HACD1: variants seen among roughly 807,000 people sequenced by gnomAD.
HACD1 encodes very-long-chain (3R)-3-hydroxyacyl-CoA dehydratase 1.
A neutral mutation model predicts 32.0 loss-of-function variants in HACD1; 41 were observed. The ratio of observed to expected loss-of-function variants is 1.28; its 90% confidence interval spans 1.00 to 1.66. The LOEUF is 1.66. Among genes scored for constraint, HACD1 ranks in the 40% most tolerant of loss-of-function variants. The pLI, the probability that HACD1 is intolerant of heterozygous loss-of-function variation, is 0.00. For missense variants in HACD1, 396 were observed against 380.1 expected (o/e 1.04, Z -0.35); for synonymous variants, 142 against 139.0 (o/e 1.02, Z -0.15).
chr10:17,612,066 G>A (rs1490028771), intron 1 of HACD1, among the ~76,000 whole-genome samples: 1 of 137,068 alleles, frequency 7.3e-6, no homozygotes, highest in Non-Finnish European at 1.5e-5. Flanking sequence ...GAGCCCAGGA[G>A]TTTGACGCCA....
At chr10:17,592,069 C>A (rs1247385154) in intron 6 of HACD1, among the ~76,000 whole-genome samples, 1 of 148,922 alleles carries the variant, frequency 6.7e-6, no homozygotes, top group Non-Finnish European at 1.5e-5. Flanking sequence ...GCAACCTCTG[C>A]CTCCCCGGTT....
At chr10:17,599,094 A>C (rs1834033108) in intron 5 of HACD1, 196 bp downstream of exon 5, 1 of 1,006,678 alleles carries the variant, frequency 9.9e-7, no homozygotes, top group Non-Finnish European at 1.3e-6. Context: ...AATATTTATT[A>C]ATACGATTCC....
At chr10:17,603,115 T>C (rs1187158971) in intron 4 of HACD1, 3 of 155,362 alleles carry the variant, frequency 1.9e-5, no homozygotes, top group African/African-American at 7.2e-5. Context: ...CTCAAACTCC[T>C]GACCTCAGGT....
chr10:17,604,976 G>A (rs114943520), intron 1 of HACD1, among the ~76,000 whole-genome samples: 87 of 152,254 alleles, frequency 5.7e-4, no homozygotes, highest in African/African-American at 1.9e-3. Flanking sequence ...AAAGTGCTGG[G>A]ATTACATGGA....
chr10:17,617,038 A>ACCGCGGCGCGGGGAGGGCCCGAGGGTGCC, intron 1 of HACD1, 45 bp downstream of exon 1: 1 of 1,370,488 alleles, frequency 7.3e-7, no homozygotes, highest in South Asian at 1.7e-5. Context: ...ACCTCCGCGG[A>ACCGCGGCGCGGGGAGGGCCCGAGGGTGCC]CCGCGGCGCG....
rs1300332690 is a variant in HACD1, at chr10:17,603,664, A to C, written c.395-16T>G. On this transcript the variant is annotated splice_polypyrimidine_tract_variant and intron_variant, in intron 3 of 6. Transcript: ENST00000361271. ...GGTACAATTCCTTAAAAAGAAAAAC[A>C]AGTGAACTATTGCCCTAAAGGCAAT... 5 of 1,609,708 alleles carry C rather than the reference A, an allele frequency of 3.1e-6. No individual in the cohort carries two copies. The African/African-American group carries it at 6.7e-5, about 22-fold the overall frequency.
At chr10:17,597,899 A>G (rs782038182) in intron 5 of HACD1, among the ~76,000 whole-genome samples, 3 of 152,172 alleles carry the variant, frequency 2.0e-5, no homozygotes, top group African/African-American at 7.2e-5. Context: ...AAAGTATCTC[A>G]TCATATACAA....
At chr10:17,605,426 G>T (rs1462762672) in intron 1 of HACD1, among the ~76,000 whole-genome samples, 4 of 151,772 alleles carry the variant, frequency 2.6e-5, no homozygotes, top group Non-Finnish European at 2.9e-5. Flanking sequence ...TCCGGAGGCT[G>T]AGGCAGGAGA....
chr10:17,595,219 A>T (rs1833981446), intron 5 of HACD1, among the ~76,000 whole-genome samples: 1 of 152,158 alleles, frequency 6.6e-6, no homozygotes, highest in Non-Finnish European at 1.5e-5. Flanking sequence ...ATCACAAATG[A>T]CTGCTTTTGT....
At position 17,589,796 on chromosome 10, in the gene HACD1, A is replaced by G. The variant is rs895100967; in HGVS notation, c.*568T>C. ...AGAATATTTTCCAACTGTGACATCT[A>G]CTTGAATATTTGTGTGTTTTTATGC... On this transcript the variant is annotated 3_prime_UTR_variant, in exon 7 of 7. Coordinates refer to ENST00000361271, the MANE Select transcript of HACD1 (RefSeq NM_014241.4). The G allele has an allele frequency of 1.3e-5, 2 of 152,154 alleles. No homozygotes were observed. The highest frequency in any genetic ancestry group is 2.9e-5 in the Non-Finnish European group (2 of 68,036). 9.4% of individuals were successfully genotyped at this position (152,154 alleles called of 1,614,324 possible). A position where few individuals can be genotyped will look rare whatever the true frequency, so the allele number is the denominator to read the frequency against.
chr10:17,613,969 C>A (rs1227580372), intron 1 of HACD1, among the ~76,000 whole-genome samples: 1 of 152,140 alleles, frequency 6.6e-6, no homozygotes, highest in African/African-American at 2.4e-5. Context: ...TGCAAAAAGC[C>A]TTGAATGGCA....
intron 5 of HACD1, among the ~76,000 whole-genome samples, chr10:17,595,234 G>A (rs1022395822): frequency 3.3e-5 from 5 of 152,038 alleles, no homozygotes; most frequent in Admixed American, 2.0e-4. Context: ...TTTTGTCCGC[G>A]GCAGCTAGTA....
chr10:17,603,015 G>A (rs936552015), intron 4 of HACD1: 7 of 152,298 alleles, frequency 4.6e-5, no homozygotes, highest in African/African-American at 1.7e-4. Context: ...GGCCTCCTGA[G>A]TAGCTGGGAT....
chr10:17,604,353 C>A (rs1277755987), intron 1 of HACD1, among the ~76,000 whole-genome samples: 5 of 151,822 alleles, frequency 3.3e-5, no homozygotes, highest in African/African-American at 1.2e-4. Context: ...GGTGTGGTGG[C>A]GGGCGCCTGA....
At chr10:17,596,389 T>C (rs1355271849) in intron 5 of HACD1, among the ~76,000 whole-genome samples, 1 of 152,212 alleles carries the variant, frequency 6.6e-6, no homozygotes, top group Non-Finnish European at 1.5e-5. Context: ...TTCCTCAATT[T>C]ATTAAATCCC....
At position 17,603,922 on chromosome 10, in the gene HACD1, A is replaced by C; in HGVS notation, c.375+8T>G. On this transcript the variant is annotated splice_region_variant and intron_variant, in intron 2 of 6. Transcript: ENST00000361271. ...AGCAATAGAAAAACAGCATGATGGA[A>C]AACTTACCTCAAGCAAGGCAAATGT... is the stretch of plus-strand genomic sequence containing the variant. 6.3e-7 allele frequency: 1 copy of C among 1,582,636 alleles called. No individual in the cohort carries two copies. The highest frequency in any genetic ancestry group is 8.7e-7 in the Non-Finnish European group (1 of 1,154,222).
At chr10:17,613,969 C>T (rs1227580372) in intron 1 of HACD1, among the ~76,000 whole-genome samples, 1 of 152,140 alleles carries the variant, frequency 6.6e-6, no homozygotes, top group Non-Finnish European at 1.5e-5. Context: ...TGCAAAAAGC[C>T]TTGAATGGCA....
intron 6 of HACD1, among the ~76,000 whole-genome samples, chr10:17,591,976 A>ATTTTTT (rs71393019): frequency 0.059 from 5,682 of 96,722 alleles, 664 homozygotes; most frequent in East Asian, 0.093. Flanking sequence ...CCAGCTACTG[A>ATTTTTT]TTTTTTTTTT....
chr10:17,589,277 C>G lies in HACD1; in HGVS notation c.*1087G>C, dbSNP rs12766585. On this transcript the variant is annotated 3_prime_UTR_variant, in exon 7 of 7. Coordinates refer to ENST00000361271, the MANE Select transcript of HACD1 (RefSeq NM_014241.4). ...TCTTCCTCATCATCGTTATCATCAT[C>G]ATCATCATCATCACTATTTTTCAGA... The G allele has an allele frequency of 0.21, 32,528 of 152,290 alleles. 4,071 individuals carry two copies. Among genetic ancestry groups the G allele is most frequent in the East Asian group, 0.47 (2,444 of 5,178 alleles). The allele number at this position is 152,290 out of a possible 1,614,324, so 9.4% of individuals were successfully genotyped here. A position where few individuals can be genotyped will look rare whatever the true frequency, so the allele number is the denominator to read the frequency against.
Sources: allele counts gnomAD v4.1 joint callset (sites outside exome capture counted in the v4.1 genomes callset), GRCh38; gene constraint gnomAD v4.1.1; transcripts MANE v1.5; gene names NCBI Gene and HGNC (gene_info 2026-07-23, HGNC 2026-07-21).